The following AGAP4 variants were observed in gnomAD, a reference collection of about 807,000 sequenced individuals.
The protein encoded by AGAP4 is ArfGAP with GTPase domain, ankyrin repeat and PH domain 4, also known as arf-GAP with GTPase, ANK repeat and PH domain-containing protein 4.
AGAP4 carries 13 observed loss-of-function variants against 60.7 expected under a neutral mutation model. The observed-to-expected ratio is 0.21, with a 90% CI of 0.14 to 0.34. The LOEUF is 0.34. Ranked by LOEUF, AGAP4 falls within the 10% of genes least tolerant of loss-of-function variation. The pLI, the probability that AGAP4 is intolerant of heterozygous loss-of-function variation, is 1.00. For synonymous variants in AGAP4, 70 were observed against 339.0 expected (o/e 0.21, Z 8.72); for missense variants, 169 against 884.0 (o/e 0.19, Z 10.26).
chr10:45,847,077 A>G, intron 1 of AGAP4, 48 bp downstream of exon 1: 7 of 1,597,486 alleles, frequency 4.4e-6, no homozygotes, highest in Non-Finnish European at 5.1e-6. Flanking sequence ...TGGGGACAGT[A>G]GCAGCCAGAG....
intron 4 of AGAP4, among the ~76,000 whole-genome samples, chr10:45,838,746 T>C (rs2135947570): frequency 6.6e-6 from 1 of 151,680 alleles, no homozygotes; most frequent in Middle Eastern, 3.4e-3. Flanking sequence ...AATTTGTTAT[T>C]TAACCTTTTT....
At chr10:45,853,922 C>T, upstream of AGAP4, 1 of 1,180,702 alleles carries the variant, frequency 8.5e-7, no homozygotes, top group African/African-American at 1.6e-5. Context: ...TAGTTGTTAT[C>T]ACGTAAGTTC....
chr10:45,854,056 A>G (rs1399760202), upstream of AGAP4: 3 of 363,608 alleles, frequency 8.3e-6, no homozygotes, highest in Non-Finnish European at 8.7e-6. Flanking sequence ...TCAGCAGGGC[A>G]GACAATAGCT....
At chr10:45,844,569 T>A in intron 2 of AGAP4, 175 bp from the exon 3 acceptor site, 2 of 1,080,038 alleles carry the variant, frequency 1.9e-6, no homozygotes, top group South Asian at 1.8e-5. Flanking sequence ...ATGCTTGTAG[T>A]CCCAGCTACT....
In AGAP4 at chr10:45,826,883, TG is replaced by T; in HGVS notation, c.1092del (p.Lys365ArgfsTer39). On this transcript the variant is annotated frameshift_variant, in exon 8 of 8. Transcript: ENST00000616763. LOFTEE classifies it high-confidence loss of function. The part of the protein sequence containing the change: ...PISTSKSNGL[S>X]KDMDTGLGDS... ...TCACCCAGCCCGGTGTCCATGTCCT[TG>T]GATAGGCCATTGCTTTTAGAGGTGG... The T allele has an allele frequency of 7.9e-7, 1 of 1,273,280 alleles. No individual in the cohort carries two copies. The highest frequency in any genetic ancestry group is 2.1e-4 in the Middle Eastern group (1 of 4,660). 78.9% of individuals were successfully genotyped at this position (1,273,280 alleles called of 1,614,324 possible). A position where few individuals can be genotyped will look rare whatever the true frequency, so the allele number is the denominator to read the frequency against.
At chr10:45,844,479 G>T (rs2058969622) in intron 2 of AGAP4, 85 bp from the exon 3 acceptor site, 1 of 1,578,292 alleles carries the variant, frequency 6.3e-7, no homozygotes, top group Non-Finnish European at 8.5e-7. Flanking sequence ...CTGCATTTAG[G>T]CTATTTCACT....
At chr10:45,851,102 A>G (rs1304131970), upstream of AGAP4, among the ~76,000 whole-genome samples, 3 of 152,048 alleles carry the variant, frequency 2.0e-5, no homozygotes, top group Non-Finnish European at 2.9e-5. Context: ...TGAAAAAAAA[A>G]AGCCATTTAA....
At chr10:45,846,395 T>C (rs1319771228) in intron 2 of AGAP4, among the ~76,000 whole-genome samples, 5 of 151,692 alleles carry the variant, frequency 3.3e-5, no homozygotes, top group Non-Finnish European at 7.3e-5. Flanking sequence ...CCATTAAGAA[T>C]ACCATATAGC....
intron 1 of AGAP4, among the ~76,000 whole-genome samples, chr10:45,853,450 T>C (rs1241917798): frequency 2.0e-5 from 3 of 151,578 alleles, no homozygotes; most frequent in South Asian, 4.2e-4. Flanking sequence ...CCCAGTGATA[T>C]GTGCATTAGG....
rs1182632120 is a variant in AGAP4, at chr10:45,831,403, A to G, written c.524T>C (p.Ile175Thr). 1.9e-6 allele frequency: 3 copies of G among 1,586,758 alleles called. No individual in the cohort carries two copies. Among genetic ancestry groups the G allele is most frequent in the Non-Finnish European group, 2.6e-6 (3 of 1,171,370 alleles). ...TTTCTAAAAAGCTCACCTTTGTGTG[A>G]TATGATGAGGTATCTCCAAGGTCAC... ...ISVTLEIPHH[I>T]TQRDADRSLS... is the part of the protein sequence containing the mutation. Residue 175 changes from isoleucine to threonine, a missense_variant, in exon 6 of 8, where the codon ATC becomes ACC. Transcript: ENST00000616763.
At chr10:45,844,112 A>T (rs2058963220) in intron 3 of AGAP4, among the ~76,000 whole-genome samples, 1 of 150,498 alleles carries the variant, frequency 6.6e-6, no homozygotes, top group Non-Finnish European at 1.5e-5. Flanking sequence ...TGTGTTGATA[A>T]AAAGATGGCA....
chr10:45,843,088 G>A lies in AGAP4; in HGVS notation c.361+1238C>T, dbSNP rs1287962188. ...GAAGCGGGTAGATCACTTGAGGTCA[G>A]GAGTTTCAGACCAGTCTGGCTAACA... On this transcript the variant is annotated intron_variant, in intron 3 of 7. Coordinates refer to ENST00000616763, the MANE Select transcript of AGAP4 (RefSeq NM_001276343.3). Among the ~76,000 whole-genome samples, 116 of 90,250 alleles carry A rather than the reference G, an allele frequency of 1.3e-3. 32 individuals are homozygous for A. Among genetic ancestry groups the A allele is most frequent in the Non-Finnish European group, 2.1e-3 (92 of 44,438 alleles). 59.2% of individuals were successfully genotyped at this position (90,250 alleles called of 152,430 possible).
At chr10:45,854,557 C>T (rs1482638771), upstream of AGAP4, 5 of 143,644 alleles carry the variant, frequency 3.5e-5, no homozygotes, top group Admixed American at 7.3e-5. Context: ...TCCCTTGAAC[C>T]TGGGAGGCAG....
chr10:45,853,875 C>T (rs2059111371), exon 1 of AGAP4: 13 of 1,231,396 alleles, frequency 1.1e-5, no homozygotes, highest in Non-Finnish European at 1.4e-5. Context: ...CACTTCCTAT[C>T]AGTTCAGTTC....
chr10:45,849,255 G>C (rs2059049616), upstream of AGAP4, among the ~76,000 whole-genome samples: 1 of 151,494 alleles, frequency 6.6e-6, no homozygotes, highest in East Asian at 2.0e-4. Context: ...AACCCTATAA[G>C]ATCTCATGAG....
upstream of AGAP4, among the ~76,000 whole-genome samples, chr10:45,850,058 T>C (rs2059064501): frequency 6.6e-6 from 1 of 151,692 alleles, no homozygotes; most frequent in African/African-American, 2.4e-5. Context: ...GCCTCCCAAG[T>C]AGCTGGGATT....
chr10:45,838,780 T>A (rs1310031440), intron 4 of AGAP4, among the ~76,000 whole-genome samples: 1 of 151,786 alleles, frequency 6.6e-6, no homozygotes, highest in Non-Finnish European at 1.5e-5. Context: ...CTTGCGATGT[T>A]GACCAGGCTA....
rs1380572786 is a variant in AGAP4 at position 45,834,934 on chromosome 10, C to T, written c.397-818G>A. On this transcript the variant is annotated intron_variant, in intron 4 of 7. Coordinates refer to ENST00000616763, the MANE Select transcript of AGAP4 (RefSeq NM_001276343.3). ...GACTACAGGCGCCCACCACCGTGCC[C>T]GGCTAACTTTTTGTGTTTTTAGTAG... Among the ~76,000 whole-genome samples the T allele has an allele frequency of 6.1e-5, 9 of 147,190 alleles. 1 individual carries two copies. The highest frequency in any genetic ancestry group is 1.9e-4 in the African/African-American group (7 of 37,648).
At chr10:45,844,066 G>C (rs1478751899) in intron 3 of AGAP4, among the ~76,000 whole-genome samples, 20 of 149,704 alleles carry the variant, frequency 1.3e-4, no homozygotes, top group African/African-American at 3.8e-4. Flanking sequence ...ATTATAAAGA[G>C]AAATCCATGA....
Sources: allele counts gnomAD v4.1 joint callset (sites outside exome capture counted in the v4.1 genomes callset), GRCh38; gene constraint gnomAD v4.1.1; transcripts MANE v1.5; gene names NCBI Gene and HGNC (gene_info 2026-07-23, HGNC 2026-07-21).